The following NEGR1 variants were observed in gnomAD, a reference collection of about 807,000 sequenced individuals.
NEGR1 encodes the protein IgLON family member 4.
NEGR1 carries 10 observed loss-of-function variants against 40.9 expected under a neutral mutation model. That is an observed-to-expected ratio of 0.24 (90% CI 0.15 to 0.42). The LOEUF is 0.42. Among genes scored for constraint, NEGR1 ranks in the 10% least tolerant of loss-of-function variants. The probability of loss-of-function intolerance (pLI) is 1.00; values close to 1 mark genes in which losing one functional copy is unlikely to be tolerated. For synonymous variants in NEGR1, 185 were observed against 166.8 expected, an observed-to-expected ratio of 1.11 and a Z score of -0.84; for missense variants, 352 against 438.9, an observed-to-expected ratio of 0.80 and a Z score of 1.77.
Position 72,271,979 on chromosome 1 carries a change from TAAGTCC to T in NEGR1, c.176+10334_176+10339del, listed in dbSNP as rs1258906597. Among the ~76,000 whole-genome samples, 7 of 151,926 alleles carry T rather than the reference TAAGTCC, an allele frequency of 4.6e-5. 1 individual carries two copies. The highest frequency in any genetic ancestry group is 8.8e-5 in the Non-Finnish European group (6 of 67,890). Reference sequence around the variant, plus strand: ...AGGCTTCACCAGCCATGTGGAACTGTAAGTCCAATTAAACCTCTTTTTCTTCCCAGT... The same window carrying T: ...AGGCTTCACCAGCCATGTGGAACTGTAATTAAACCTCTTTTTCTTCCCAGT... On this transcript the variant is annotated intron_variant, in intron 1 of 6. Coordinates refer to ENST00000357731, the MANE Select transcript of NEGR1 (RefSeq NM_173808.3).
At chr1:71,490,349 A>T (rs932467813) in intron 6 of NEGR1, among the ~76,000 whole-genome samples, 3 of 152,026 alleles carry the variant, frequency 2.0e-5, no homozygotes, top group Non-Finnish European at 4.4e-5. Context: ...TGCTTATGAC[A>T]ACATGCTACA....
chr1:71,447,728 G>A (rs903859628), intron 6 of NEGR1, among the ~76,000 whole-genome samples: 2 of 152,106 alleles, frequency 1.3e-5, no homozygotes, highest in East Asian at 3.9e-4. Context: ...TCTCCCTAAG[G>A]GACTATGAAG....
chr1:72,240,478 T>C (rs1654696294), intron 1 of NEGR1, among the ~76,000 whole-genome samples: 1 of 151,860 alleles, frequency 6.6e-6, no homozygotes, highest in African/African-American at 2.4e-5. Context: ...GAGATCTCAA[T>C]GAAAATTTTA....
At chr1:72,046,639 C>A (rs1647004829) in intron 1 of NEGR1, among the ~76,000 whole-genome samples, 1 of 151,480 alleles carries the variant, frequency 6.6e-6, no homozygotes, top group South Asian at 2.1e-4. Flanking sequence ...TAAAGACAAA[C>A]AAATCTAAGG....
intron 2 of NEGR1, among the ~76,000 whole-genome samples, chr1:71,867,736 C>T (rs1660159758): frequency 6.6e-6 from 1 of 152,088 alleles, no homozygotes; most frequent in Non-Finnish European, 1.5e-5. Flanking sequence ...AATTAACTGG[C>T]TCAACCACCT....
chr1:71,757,849 AAC>A (rs1161546063), intron 3 of NEGR1, among the ~76,000 whole-genome samples: 1 of 152,150 alleles, frequency 6.6e-6, no homozygotes, highest in Non-Finnish European at 1.5e-5. Context: ...ATCACATAAG[AAC>A]ACAGTATTCA....
chr1:72,245,902 G>C (rs1391027957), intron 1 of NEGR1, among the ~76,000 whole-genome samples: 1 of 152,026 alleles, frequency 6.6e-6, no homozygotes, highest in Non-Finnish European at 1.5e-5. Flanking sequence ...ACATAAAACT[G>C]TATGTGACAA....
At chr1:71,845,212 TTTTGATAAATAACTA>T (rs1659365416) in intron 2 of NEGR1, among the ~76,000 whole-genome samples, 1 of 152,128 alleles carries the variant, frequency 6.6e-6, no homozygotes, top group Non-Finnish European at 1.5e-5. Flanking sequence ...TTGTTTTTAT[TTTTGATAAATAACTA>T]TAGAATTTTA....
At chr1:71,615,749 G>A (rs1650427097) in intron 4 of NEGR1, among the ~76,000 whole-genome samples, 1 of 152,214 alleles carries the variant, frequency 6.6e-6, no homozygotes, top group African/African-American at 2.4e-5. Context: ...ATTTTGAGCA[G>A]AGGAGTGACA....
At chr1:71,675,792 T>C (rs986812294) in intron 4 of NEGR1, among the ~76,000 whole-genome samples, 5 of 5,152 alleles carry the variant, frequency 9.7e-4, no homozygotes, top group African/African-American at 1.1e-3. Context: ...GTTGTTTGTT[T>C]TTTGTTTTTT....
At chr1:71,407,608 T>C (rs1194377794) in intron 6 of NEGR1, 38 bp from the exon 7 acceptor site, 23 of 1,604,544 alleles carry the variant, frequency 1.4e-5, no homozygotes, top group Non-Finnish European at 2.0e-5. Flanking sequence ...AAAATCTAAT[T>C]TGTGTCTTCC....
intron 1 of NEGR1, among the ~76,000 whole-genome samples, chr1:72,000,257 T>A (rs1297130833): frequency 1.3e-5 from 2 of 152,094 alleles, no homozygotes; most frequent in African/African-American, 4.8e-5. Flanking sequence ...GAATGAATAT[T>A]ATTAATCTAG....
chr1:71,523,230 G>A (rs963329550), intron 6 of NEGR1, among the ~76,000 whole-genome samples: 1 of 151,222 alleles, frequency 6.6e-6, no homozygotes, highest in East Asian at 2.0e-4. Flanking sequence ...TTGGGTTGTT[G>A]GGTTGTTGTG....
intron 4 of NEGR1, among the ~76,000 whole-genome samples, chr1:71,664,234 A>G (rs7553260): frequency 0.036 from 5,471 of 152,238 alleles, 123 homozygotes; most frequent in African/African-American, 0.07. Flanking sequence ...ATGCCTTTAC[A>G]CTGAGTGAAA....
At chr1:71,418,232 G>A (rs1178521092) in intron 6 of NEGR1, among the ~76,000 whole-genome samples, 1 of 151,700 alleles carries the variant, frequency 6.6e-6, no homozygotes, top group Non-Finnish European at 1.5e-5. Flanking sequence ...AAAAAATGTG[G>A]TAGAGAATGC....
chr1:71,886,049 C>T (rs1049497758), intron 2 of NEGR1, among the ~76,000 whole-genome samples: 4 of 152,158 alleles, frequency 2.6e-5, no homozygotes, highest in Admixed American at 2.6e-4. Flanking sequence ...CACTTATGCA[C>T]TTCTGGGAAA....
chr1:71,916,130 G>C (rs116742283), intron 2 of NEGR1, among the ~76,000 whole-genome samples: 1 of 151,998 alleles, frequency 6.6e-6, no homozygotes, highest in South Asian at 2.1e-4. Context: ...GGGAGTGGGG[G>C]TTTCCCTGCC....
intron 2 of NEGR1, among the ~76,000 whole-genome samples, chr1:71,833,304 T>C (rs1421712758): frequency 6.6e-6 from 1 of 152,042 alleles, no homozygotes; most frequent in Non-Finnish European, 1.5e-5. Flanking sequence ...AATAGTAAAA[T>C]AGAAAAGGAT....
chr1:71,959,343 A>G (rs191295293), intron 1 of NEGR1, among the ~76,000 whole-genome samples: 1 of 152,192 alleles, frequency 6.6e-6, no homozygotes. Context: ...GTTTTGTCAG[A>G]TGGTATACCA....
Sources: gnomAD v4.1 joint callset for allele counts (sites outside exome capture counted in the v4.1 genomes callset) on GRCh38, gnomAD v4.1.1 for gene constraint, MANE v1.5 for transcripts, NCBI Gene and HGNC (gene_info 2026-07-23, HGNC 2026-07-21) for gene names.